Variants in AOAH observed in about 807,000 individuals in gnomAD.
The protein encoded by AOAH is acyloxyacyl hydrolase, also known as acyloxyacyl hydrolase (neutrophil).
Under a neutral mutation model 92.2 loss-of-function variants are expected in AOAH, and 64 were observed. The observed-to-expected ratio is 0.69, with a 90% CI of 0.57 to 0.86. The LOEUF (loss-of-function observed/expected upper bound fraction) is 0.86, where lower values mean the gene tolerates loss of function less well. Among genes scored for constraint, AOAH ranks in the 40% least tolerant of loss-of-function variants. The probability of loss-of-function intolerance (pLI) is 0.00; values close to 1 mark genes in which losing one functional copy is unlikely to be tolerated. For synonymous variants in AOAH, 263 were observed against 254.5 expected, an observed-to-expected ratio of 1.03 and a Z score of -0.32; for missense variants, 656 against 694.6, an observed-to-expected ratio of 0.94 and a Z score of 0.62.
At position 36,526,168 on chromosome 7, in the gene AOAH, C is replaced by T. The variant is rs73687535; in HGVS notation, c.1523-4053G>A. ...CAAGGGAGTCCAGCCTTTGGAAGAA[C>T]TTGCTTGCCATATAAAATAATACAA... On this transcript the variant is annotated intron_variant, in intron 19 of 20. Transcript: ENST00000617537. Among the ~76,000 whole-genome samples, 1,261 of 152,304 alleles carry T rather than the reference C, an allele frequency of 8.3e-3. 22 individuals carry two copies. Among genetic ancestry groups the T allele is most frequent in the African/African-American group, 0.029 (1,202 of 41,564 alleles).
chr7:36,691,698 T>C (rs1420405347), intron 1 of AOAH, among the ~76,000 whole-genome samples: 2 of 152,182 alleles, frequency 1.3e-5, no homozygotes, highest in African/African-American at 4.8e-5. Flanking sequence ...GTTTGGTATA[T>C]TGGAAACAGC....
intron 1 of AOAH, among the ~76,000 whole-genome samples, chr7:36,701,726 A>G (rs1327344486): frequency 6.6e-6 from 1 of 151,868 alleles, no homozygotes; most frequent in Non-Finnish European, 1.5e-5. Flanking sequence ...GTATACTTAG[A>G]TGTTGCCTTT....
intron 12 of AOAH, among the ~76,000 whole-genome samples, chr7:36,587,824 TCAAA>T (rs1789462793): frequency 6.6e-6 from 1 of 152,184 alleles, no homozygotes; most frequent in African/African-American, 2.4e-5. Context: ...AATATGATTT[TCAAA>T]CAATTATTTT....
intron 1 of AOAH, among the ~76,000 whole-genome samples, chr7:36,695,230 A>C (rs1272430484): frequency 6.6e-6 from 1 of 152,202 alleles, no homozygotes; most frequent in Non-Finnish European, 1.5e-5. Context: ...TGGGAATTGC[A>C]ATTGATTATA....
intron 11 of AOAH, among the ~76,000 whole-genome samples, chr7:36,610,103 G>T (rs58293767): frequency 3.6e-5 from 4 of 111,520 alleles, no homozygotes; most frequent in East Asian, 5.1e-4. Flanking sequence ...AAATTGGAAG[G>T]TTTTTTTCTT....
intron 2 of AOAH, among the ~76,000 whole-genome samples, chr7:36,677,015 G>T (rs571304911): frequency 3.9e-5 from 6 of 152,064 alleles, no homozygotes; most frequent in African/African-American, 1.4e-4. Context: ...CTGACTTTGG[G>T]TTAGGCAACG....
chr7:36,688,747 C>T (rs1041914486), intron 1 of AOAH, among the ~76,000 whole-genome samples: 4 of 152,078 alleles, frequency 2.6e-5, no homozygotes, highest in African/African-American at 7.2e-5. Context: ...GAATTCCTGG[C>T]ACAGTGCCTG....
At position 36,543,931 on chromosome 7, in the gene AOAH, T is replaced by TTTTC. The variant is rs140403418; in HGVS notation, c.1134-3444_1134-3441dup. Among the ~76,000 whole-genome samples the TTTTC allele has an allele frequency of 7.5e-3, 898 of 118,958 alleles. 168 individuals are homozygous for TTTTC. Among genetic ancestry groups the TTTTC allele is most frequent in the Middle Eastern group, 0.019 (4 of 206 alleles). 78.0% of individuals were successfully genotyped at this position (118,958 alleles called of 152,430 possible). The stretch of plus-strand genomic sequence containing the variant: ...TGAAAAGTTTTCTTTTCTTTTTCTT[T>TTTTC]TTTCTTTCTTTCTTTCTTTTTTTTT... On this transcript the variant is annotated intron_variant, in intron 15 of 20. Coordinates refer to ENST00000617537, the MANE Select transcript of AOAH (RefSeq NM_001637.4).
chr7:36,616,868 G>T (rs1791927301), intron 10 of AOAH, among the ~76,000 whole-genome samples: 1 of 152,190 alleles, frequency 6.6e-6, no homozygotes, highest in Non-Finnish European at 1.5e-5. Context: ...ATGATCTTAT[G>T]GAGCAATTTT....
chr7:36,612,338 GATT>G (rs1335786642), intron 11 of AOAH, among the ~76,000 whole-genome samples: 5 of 152,218 alleles, frequency 3.3e-5, no homozygotes, highest in Non-Finnish European at 4.4e-5. Flanking sequence ...TTGCTTAACC[GATT>G]ATCATAAACA....
intron 8 of AOAH, 102 bp from the exon 9 acceptor site, chr7:36,620,931 A>C: frequency 9.0e-7 from 1 of 1,114,136 alleles, no homozygotes; most frequent in Non-Finnish European, 1.3e-6. Flanking sequence ...ATGCTACACG[A>C]AGTGCCATGG....
intron 1 of AOAH, among the ~76,000 whole-genome samples, chr7:36,710,928 C>A (rs1338338046): frequency 6.6e-6 from 1 of 152,100 alleles, no homozygotes; most frequent in African/African-American, 2.4e-5. Context: ...GTTCGCATCA[C>A]CCTGTGTAAT....
In AOAH at chr7:36,677,315, G is replaced by C. The variant is rs1796311780; in HGVS notation, c.224-3306C>G. 2.0e-5 allele frequency among the ~76,000 whole-genome samples: 3 copies of C among 152,236 alleles called. No homozygotes were observed. In the South Asian group the frequency reaches 6.2e-4, roughly 32 times the overall value. ...AGTTTTCCAAAGAAGATATACCAAT[G>C]TCCAAAAGCCACATGAAAAGATACT... On this transcript the variant is annotated intron_variant, in intron 2 of 20. Transcript: ENST00000617537.
At chr7:36,523,427 G>C (rs1177896037) in intron 19 of AOAH, among the ~76,000 whole-genome samples, 2 of 152,176 alleles carry the variant, frequency 1.3e-5, no homozygotes, top group Non-Finnish European at 2.9e-5. Flanking sequence ...GGAATGGTAG[G>C]TACCTGCTCT....
intron 12 of AOAH, among the ~76,000 whole-genome samples, chr7:36,579,271 C>T (rs2718174): frequency 0.022 from 3,351 of 152,088 alleles, 129 homozygotes; most frequent in African/African-American, 0.076. Context: ...TCCAGCCCAG[C>T]CCAGCCCAGC....
At chr7:36,561,082 C>T (rs919082764) in intron 13 of AOAH, among the ~76,000 whole-genome samples, 61 of 150,902 alleles carry the variant, frequency 4.0e-4, no homozygotes, top group Non-Finnish European at 3.5e-4. Context: ...TCACTCTATC[C>T]CCCAGGCTGG....
rs138233027 is a variant in AOAH, at chr7:36,667,969, A to G, written c.290+5974T>C. Among the ~76,000 whole-genome samples, 622 of 152,326 alleles carry G rather than the reference A, an allele frequency of 4.1e-3. 3 individuals carry two copies. Among genetic ancestry groups the G allele is most frequent in the African/African-American group, 0.014 (584 of 41,560 alleles). On this transcript the variant is annotated intron_variant, in intron 3 of 20. Coordinates refer to ENST00000617537, the MANE Select transcript of AOAH (RefSeq NM_001637.4). ...TAAAGTGAGTTTCTTGCTAGACAGC[A>G]TATAATTGAGTCTAATTTTTTGATC...
intron 13 of AOAH, among the ~76,000 whole-genome samples, chr7:36,569,570 T>C (rs1787973554): frequency 3.9e-5 from 2 of 51,070 alleles, no homozygotes; most frequent in African/African-American, 1.1e-4. Context: ...GATTTACATA[T>C]CTATCTATCT....
At chr7:36,714,982 A>G (rs1799033177) in intron 1 of AOAH, among the ~76,000 whole-genome samples, 1 of 152,158 alleles carries the variant, frequency 6.6e-6, no homozygotes, top group Admixed American at 6.5e-5. Flanking sequence ...GGCCAGCGCA[A>G]TCAGGCAGGA....
Sources: gnomAD v4.1 joint callset for allele counts (sites outside exome capture counted in the v4.1 genomes callset) on GRCh38, gnomAD v4.1.1 for gene constraint, MANE v1.5 for transcripts, NCBI Gene and HGNC (gene_info 2026-07-23, HGNC 2026-07-21) for gene names.